Variants in SLC24A2 observed in about 807,000 individuals in gnomAD.
SLC24A2 encodes solute carrier family 24 member 2, also known as sodium/potassium/calcium exchanger 2.
SLC24A2 carries 36 observed loss-of-function variants against 62.0 expected under a neutral mutation model. That is an observed-to-expected ratio of 0.58 (90% confidence interval 0.44 to 0.77). The LOEUF (loss-of-function observed/expected upper bound fraction) is 0.77, where lower values mean the gene tolerates loss of function less well. Ranked by LOEUF, SLC24A2 falls within the 30% of genes least tolerant of loss-of-function variation. The pLI, the probability that SLC24A2 is intolerant of heterozygous loss-of-function variation, is 0.00. For missense variants in SLC24A2, 846 were observed against 817.9 expected (o/e 1.03, Z -0.42); for synonymous variants, 358 against 294.0 (o/e 1.22, Z -2.23).
chr9:19,714,287 T>C (rs2118612843), intron 2 of SLC24A2, among the ~76,000 whole-genome samples: 1 of 152,262 alleles, frequency 6.6e-6, no homozygotes, highest in Non-Finnish European at 1.5e-5. Flanking sequence ...AAGGTGGCCC[T>C]ACAAGTTGAT....
At chr9:20,230,441 T>A in the SLC24A2 span, among the ~76,000 whole-genome samples, 4 of 152,236 alleles carry the variant, frequency 2.6e-5, no homozygotes, top group South Asian at 8.3e-4. Flanking sequence ...TGGTGTGACA[T>A]GGTATCTCAT....
At chr9:19,636,807 C>T (rs1367918229) in intron 2 of SLC24A2, among the ~76,000 whole-genome samples, 1 of 151,970 alleles carries the variant, frequency 6.6e-6, no homozygotes, top group African/African-American at 2.4e-5. Flanking sequence ...TTTCTGACAC[C>T]GTCTAGTTTT....
At chr9:20,066,267 A>T in the SLC24A2 span, among the ~76,000 whole-genome samples, 2 of 152,206 alleles carry the variant, frequency 1.3e-5, no homozygotes, top group African/African-American at 4.8e-5. Context: ...CTGCGGTTTC[A>T]TTTCCTTTGC....
At position 19,528,125 on chromosome 9, in the gene SLC24A2, A is replaced by T; in HGVS notation, c.1493T>A (p.Phe498Tyr). The change falls in exon 9 of 11, where the codon TTT (phenylalanine) becomes TAT (tyrosine). Residue 498 changes from phenylalanine to tyrosine, a missense_variant. Physicochemically the swap from Phe to Tyr is conservative, Grantham distance 22 (BLOSUM62 3). Coordinates refer to ENST00000341998, the MANE Select transcript of SLC24A2 (RefSeq NM_020344.4). ...PDVRKPSSRK[F>Y]FPITFFGSIT... ...GGAGCCAAAGAACGTGATGGGAAAA[A>T]ACTTCCTCGATGACTGAAAGACAAC... is the stretch of plus-strand genomic sequence containing the variant. 1 of 1,585,508 alleles carries T rather than the reference A, an allele frequency of 6.3e-7. No homozygotes were observed. The highest frequency in any genetic ancestry group is 8.6e-7 in the Non-Finnish European group (1 of 1,163,538).
At chr9:20,280,673 C>A in the SLC24A2 span, among the ~76,000 whole-genome samples, 1 of 152,208 alleles carries the variant, frequency 6.6e-6, no homozygotes, top group Non-Finnish European at 1.5e-5. Flanking sequence ...GACATGTCCA[C>A]ATCCTAAACA....
Position 19,509,835 on chromosome 9 carries a change from C to G in SLC24A2, c.*6318G>C, listed in dbSNP as rs1473461954. The G allele has an allele frequency of 1.3e-5, 2 of 152,236 alleles. No homozygotes were observed. The highest frequency in any genetic ancestry group is 4.8e-5 in the African/African-American group (2 of 41,532). The allele number at this position is 152,236 out of a possible 1,614,324, so 9.4% of individuals were successfully genotyped here. A position where few individuals can be genotyped will look rare whatever the true frequency, so the allele number is the denominator to read the frequency against. ...TATGGATCCATTATGAAGGAATATG[C>G]AACCCAATATGTAAGAATGCAGAAA... On this transcript the variant is annotated 3_prime_UTR_variant, in exon 11 of 11. Transcript: ENST00000341998.
At chr9:20,037,382 G>A in the SLC24A2 span, among the ~76,000 whole-genome samples, 1 of 152,248 alleles carries the variant, frequency 6.6e-6, no homozygotes, top group East Asian at 1.9e-4. Flanking sequence ...TTCCACAGAT[G>A]CAGAACTCAC....
At chr9:20,168,362 A>T in the SLC24A2 span, among the ~76,000 whole-genome samples, 3 of 152,044 alleles carry the variant, frequency 2.0e-5, no homozygotes, top group Non-Finnish European at 4.4e-5. Context: ...AGGTAACGAA[A>T]TAAAAAATAG....
intron 2 of SLC24A2, among the ~76,000 whole-genome samples, chr9:19,703,513 A>G (rs1026877295): frequency 1.3e-5 from 2 of 152,224 alleles, no homozygotes; most frequent in Non-Finnish European, 2.9e-5. Flanking sequence ...AGAAAGTAGG[A>G]AAGTATGTTT....
the SLC24A2 span, among the ~76,000 whole-genome samples, chr9:19,944,117 G>T: frequency 4.6e-5 from 7 of 152,196 alleles, no homozygotes; most frequent in Non-Finnish European, 1.0e-4. Context: ...CTAGGCAGGG[G>T]AGGGAGGGGA....
chr9:20,230,148 G>A, the SLC24A2 span, among the ~76,000 whole-genome samples: 3 of 152,112 alleles, frequency 2.0e-5, no homozygotes, highest in South Asian at 2.1e-4. Flanking sequence ...GGACATTTAG[G>A]CTAGTTCCAA....
chr9:20,116,001 T>G, the SLC24A2 span, among the ~76,000 whole-genome samples: 2 of 152,156 alleles, frequency 1.3e-5, no homozygotes, highest in Non-Finnish European at 1.5e-5. Flanking sequence ...TAAGCAGCAT[T>G]AAACACAATT....
the SLC24A2 span, among the ~76,000 whole-genome samples, chr9:19,871,864 A>C: frequency 6.6e-6 from 1 of 152,210 alleles, no homozygotes; most frequent in Non-Finnish European, 1.5e-5. Context: ...TTTTTTAAAA[A>C]CATATGCAAA....
chr9:19,897,596 G>T, the SLC24A2 span, among the ~76,000 whole-genome samples: 1 of 152,134 alleles, frequency 6.6e-6, no homozygotes, highest in Non-Finnish European at 1.5e-5. Flanking sequence ...CAACAAACAT[G>T]TGTCCTCATT....
the SLC24A2 span, among the ~76,000 whole-genome samples, chr9:20,220,800 T>C: frequency 1.3e-5 from 2 of 152,144 alleles, no homozygotes; most frequent in South Asian, 2.1e-4. Flanking sequence ...CTTTGAGATA[T>C]ATTTCTCATC....
chr9:19,662,082 T>A (rs1225274196), intron 2 of SLC24A2, among the ~76,000 whole-genome samples: 1 of 152,238 alleles, frequency 6.6e-6, no homozygotes, highest in Non-Finnish European at 1.5e-5. Flanking sequence ...TCTAGACAAC[T>A]GCTGTCCAAC....
At chr9:19,756,044 G>A (rs1822130951) in intron 2 of SLC24A2, among the ~76,000 whole-genome samples, 1 of 152,156 alleles carries the variant, frequency 6.6e-6, no homozygotes, top group Non-Finnish European at 1.5e-5. Flanking sequence ...ACTGGGCTGA[G>A]GGCCAGGTTC....
chr9:19,564,074 T>C (rs1835549589), intron 7 of SLC24A2, among the ~76,000 whole-genome samples: 1 of 151,960 alleles, frequency 6.6e-6, no homozygotes, highest in African/African-American at 2.4e-5. Flanking sequence ...CAGGCTAGTC[T>C]CAAACTCCTG....
chr9:19,960,503 T>C, the SLC24A2 span, among the ~76,000 whole-genome samples: 1 of 152,302 alleles, frequency 6.6e-6, no homozygotes, highest in South Asian at 2.1e-4. Flanking sequence ...ACTGGAACCT[T>C]GGGCTGCTAT....
Sources: gnomAD v4.1 joint callset for allele counts (sites outside exome capture counted in the v4.1 genomes callset) on GRCh38, gnomAD v4.1.1 for gene constraint, MANE v1.5 for transcripts, NCBI Gene and HGNC (gene_info 2026-07-23, HGNC 2026-07-21) for gene names.